Variants in MSRB3 observed in about 807,000 individuals in gnomAD.
MSRB3 encodes the protein methionine sulfoxide reductase B3, also known as methionine-R-sulfoxide reductase B3.
Under a neutral mutation model 21.0 loss-of-function variants are expected in MSRB3, and 13 were observed. That is an observed-to-expected ratio of 0.62 (90% CI 0.40 to 0.98). The LOEUF is 0.98. Among genes scored for constraint, MSRB3 ranks in the 50% least tolerant of loss-of-function variants. The pLI is 0.00. For synonymous variants in MSRB3, 87 were observed against 88.6 expected, an observed-to-expected ratio of 0.98 and a Z score of 0.10; for missense variants, 199 against 230.3, an observed-to-expected ratio of 0.86 and a Z score of 0.88.
At chr12:65,431,240 G>T (rs1881862703) in intron 5 of MSRB3, among the ~76,000 whole-genome samples, 1 of 152,034 alleles carries the variant, frequency 6.6e-6, no homozygotes, top group Non-Finnish European at 1.5e-5. Context: ...GTCACAGGTT[G>T]ACTCCTGTTT....
chr12:65,348,603 C>T (rs929142416), intron 4 of MSRB3, among the ~76,000 whole-genome samples: 22 of 151,818 alleles, frequency 1.4e-4, no homozygotes, highest in African/African-American at 4.4e-4. Context: ...CTGCTCTGAT[C>T]TTAGTTATTT....
chr12:65,351,140 A>G (rs1457956730), intron 4 of MSRB3, among the ~76,000 whole-genome samples: 1 of 152,022 alleles, frequency 6.6e-6, no homozygotes, highest in Non-Finnish European at 1.5e-5. Context: ...ATCAAACTAG[A>G]GCTCAGGATT....
intron 4 of MSRB3, among the ~76,000 whole-genome samples, chr12:65,337,397 G>A (rs1435138787): frequency 8.2e-6 from 1 of 121,354 alleles, no homozygotes; most frequent in Non-Finnish European, 1.6e-5. Flanking sequence ...TCACACCACC[G>A]TACTCCAGCC....
At chr12:65,316,436 T>C (rs1404797827) in intron 2 of MSRB3, 3 of 152,092 alleles carry the variant, frequency 2.0e-5, no homozygotes, top group African/African-American at 7.2e-5. Context: ...AAAATCTGTT[T>C]CAGTTATGGA....
intron 5 of MSRB3, chr12:65,419,127 T>C (rs757310562): frequency 4.4e-6 from 3 of 682,578 alleles, no homozygotes; most frequent in Non-Finnish European, 8.0e-6. Flanking sequence ...ACAGCTCATC[T>C]GTTGAGAGCA....
At chr12:65,419,352 G>A (rs932048485) in intron 5 of MSRB3, 14 of 757,516 alleles carry the variant, frequency 1.8e-5, no homozygotes, top group African/African-American at 3.4e-5. Context: ...GGGCTTGTAG[G>A]CCTTTTACTT....
intron 5 of MSRB3, among the ~76,000 whole-genome samples, chr12:65,394,172 A>T (rs1169372608): frequency 2.0e-5 from 3 of 152,116 alleles, no homozygotes; most frequent in African/African-American, 7.2e-5. Flanking sequence ...TTTATCAAAG[A>T]CTTCTTTATG....
intron 5 of MSRB3, among the ~76,000 whole-genome samples, chr12:65,407,904 T>G (rs1880505172): frequency 6.6e-6 from 1 of 152,198 alleles, no homozygotes; most frequent in African/African-American, 2.4e-5. Flanking sequence ...TCTTTGATTC[T>G]TTCTTAGAGT....
chr12:65,375,018 T>G (rs1410663358), intron 5 of MSRB3, among the ~76,000 whole-genome samples: 1 of 151,280 alleles, frequency 6.6e-6, no homozygotes, highest in Admixed American at 6.6e-5. Flanking sequence ...CCTGGCTTTT[T>G]TTTTTTTTTT....
intron 2 of MSRB3, 102 bp from the exon 3 acceptor site, chr12:65,326,724 T>C (rs1875056712): frequency 1.2e-6 from 1 of 830,096 alleles, no homozygotes; most frequent in Non-Finnish European, 2.0e-6. Flanking sequence ...GGTCTGGTCA[T>C]TGACAAGTGA....
At chr12:65,419,411 C>G in intron 5 of MSRB3, 1 of 748,170 alleles carries the variant, frequency 1.3e-6, no homozygotes, top group Non-Finnish European at 2.5e-6. Flanking sequence ...TTGAGAGTCT[C>G]GATCTCTGTC....
chr12:65,353,626 T>G (rs1051955913), intron 4 of MSRB3, among the ~76,000 whole-genome samples: 2 of 151,628 alleles, frequency 1.3e-5, no homozygotes, highest in Admixed American at 6.6e-5. Flanking sequence ...TGTCTCTGCA[T>G]GTGAGATGGG....
At chr12:65,293,591 A>G (rs887146704) in intron 1 of MSRB3, among the ~76,000 whole-genome samples, 5 of 152,144 alleles carry the variant, frequency 3.3e-5, no homozygotes, top group African/African-American at 1.2e-4. Context: ...TTCTTAGTTT[A>G]AATGTTACTT....
chr12:65,390,513 G>A (rs376265290), intron 5 of MSRB3, among the ~76,000 whole-genome samples: 1 of 152,138 alleles, frequency 6.6e-6, no homozygotes, highest in East Asian at 1.9e-4. Flanking sequence ...TCAAAAATTA[G>A]GGATTTAAGA....
chr12:65,435,234 C>T (rs1882062375), intron 5 of MSRB3, among the ~76,000 whole-genome samples: 1 of 151,946 alleles, frequency 6.6e-6, no homozygotes, highest in Non-Finnish European at 1.5e-5. Flanking sequence ...CTTTCTGACT[C>T]ATTGCACCTT....
intron 4 of MSRB3, among the ~76,000 whole-genome samples, chr12:65,348,576 C>G (rs2136488168): frequency 6.6e-6 from 1 of 152,102 alleles, no homozygotes; most frequent in East Asian, 1.9e-4. Context: ...TTTTTTGTGT[C>G]TCTATTTCCT....
intron 5 of MSRB3, among the ~76,000 whole-genome samples, chr12:65,430,903 G>T (rs932622021): frequency 6.6e-6 from 1 of 152,070 alleles, no homozygotes; most frequent in Admixed American, 6.6e-5. Flanking sequence ...CAAGTCTGGT[G>T]CCCTTAAAGT....
chr12:65,347,545 A>G (rs746798479), intron 4 of MSRB3, among the ~76,000 whole-genome samples: 2 of 152,142 alleles, frequency 1.3e-5, no homozygotes, highest in South Asian at 2.1e-4. Context: ...GGACAATTTG[A>G]CTTCCTCTTT....
At chr12:65,321,265 A>G (rs1479238568) in intron 2 of MSRB3, among the ~76,000 whole-genome samples, 2 of 152,198 alleles carry the variant, frequency 1.3e-5, no homozygotes, top group African/African-American at 4.8e-5. Flanking sequence ...ACTCCAGGAA[A>G]GTATCCTAAG....
Sources: allele counts gnomAD v4.1 joint callset (sites outside exome capture counted in the v4.1 genomes callset), GRCh38; gene constraint gnomAD v4.1.1; transcripts MANE v1.5; gene names NCBI Gene and HGNC (gene_info 2026-07-23, HGNC 2026-07-21).